The following ASH1L variants were observed in gnomAD, a reference collection of about 807,000 sequenced individuals.
ASH1L encodes the protein histone-lysine N-methyltransferase ASH1L.
In ASH1L, 23 loss-of-function variants were observed where a neutral mutation model predicts 269.0. That is an observed-to-expected ratio of 0.09 (90% CI 0.06 to 0.12). The LOEUF is 0.12. ASH1L is among the 10% of genes least tolerant of loss of function. The pLI, the probability that ASH1L is intolerant of heterozygous loss-of-function variation, is 1.00. For synonymous variants in ASH1L, 1,187 were observed against 1,253.5 expected, an observed-to-expected ratio of 0.95 and a Z score of 1.12; for missense variants, 2,912 against 3,567.8, an observed-to-expected ratio of 0.82 and a Z score of 4.68.
intron 12 of ASH1L, among the ~76,000 whole-genome samples, chr1:155,365,636 A>G (rs1422283565): frequency 6.6e-6 from 1 of 152,154 alleles, no homozygotes; most frequent in East Asian, 1.9e-4. Flanking sequence ...CAATTGGAGA[A>G]ACTGGTTATT....
intron 2 of ASH1L, among the ~76,000 whole-genome samples, chr1:155,516,056 CTTT>C (rs2148828368): frequency 6.6e-6 from 1 of 152,158 alleles, no homozygotes; most frequent in South Asian, 2.1e-4. Context: ...TTTTCCTCTT[CTTT>C]TGTCTTCCTG....
At chr1:155,533,343 G>A (rs890958245) in intron 1 of ASH1L, among the ~76,000 whole-genome samples, 6 of 151,978 alleles carry the variant, frequency 3.9e-5, no homozygotes, top group Non-Finnish European at 7.4e-5. Context: ...GACATGAAAA[G>A]ACAGGCTAAT....
At chr1:155,532,587 C>T (rs1043941784) in intron 1 of ASH1L, among the ~76,000 whole-genome samples, 5 of 151,954 alleles carry the variant, frequency 3.3e-5, no homozygotes, top group Non-Finnish European at 7.4e-5. Flanking sequence ...CTTTGGGAGG[C>T]TGAGGCGAGT....
chr1:155,511,215 G>A (rs1668140517), intron 2 of ASH1L, among the ~76,000 whole-genome samples: 1 of 152,152 alleles, frequency 6.6e-6, no homozygotes. Context: ...CACCACCACA[G>A]TTAAGAACTC....
At chr1:155,527,531 C>CT (rs35475547) in intron 1 of ASH1L, among the ~76,000 whole-genome samples, 4,690 of 110,792 alleles carry the variant, frequency 0.042, 136 homozygotes, top group Non-Finnish European at 0.052. Context: ...TACGGGATAC[C>CT]TTTTTTTTTT....
At chr1:155,486,572 T>C (rs1666342571) in intron 2 of ASH1L, among the ~76,000 whole-genome samples, 2 of 152,108 alleles carry the variant, frequency 1.3e-5, no homozygotes, top group African/African-American at 2.4e-5. Flanking sequence ...AAAGGATAAA[T>C]GCTTGAGGGG....
intron 10 of ASH1L, among the ~76,000 whole-genome samples, chr1:155,373,126 T>C (rs919474251): frequency 1.3e-5 from 2 of 151,706 alleles, no homozygotes; most frequent in African/African-American, 4.8e-5. Flanking sequence ...GACAGGAGAA[T>C]TGCTTGAACT....
At chr1:155,513,299 G>A (rs545540454) in intron 2 of ASH1L, among the ~76,000 whole-genome samples, 1 of 151,928 alleles carries the variant, frequency 6.6e-6, no homozygotes, top group Non-Finnish European at 1.5e-5. Flanking sequence ...CAGGCACAGT[G>A]GCTCACATGT....
At chr1:155,370,418 T>C in intron 12 of ASH1L, 86 bp downstream of exon 12, 6 of 1,556,132 alleles carry the variant, frequency 3.9e-6, no homozygotes, top group Non-Finnish European at 5.3e-6. Flanking sequence ...TTGTGTAAGC[T>C]GACTGACACT....
chr1:155,413,389 T>C (rs1187588545), intron 6 of ASH1L, among the ~76,000 whole-genome samples: 1 of 152,150 alleles, frequency 6.6e-6, no homozygotes, highest in Non-Finnish European at 1.5e-5. Flanking sequence ...GCGGATCACC[T>C]GAGGTCAGGA....
intron 1 of ASH1L, among the ~76,000 whole-genome samples, chr1:155,527,531 CTTTT>C (rs35475547): frequency 1.2e-4 from 13 of 110,830 alleles, no homozygotes; most frequent in Admixed American, 2.0e-4. Flanking sequence ...TACGGGATAC[CTTTT>C]TTTTTTTTTT....
intron 3 of ASH1L, among the ~76,000 whole-genome samples, chr1:155,473,327 AG>A (rs1413006954): frequency 6.6e-6 from 1 of 152,202 alleles, no homozygotes; most frequent in East Asian, 1.9e-4. Context: ...AGAAACAAAC[AG>A]GTACAATACA....
chr1:155,510,917 A>C (rs1386444866), intron 2 of ASH1L, among the ~76,000 whole-genome samples: 1 of 152,204 alleles, frequency 6.6e-6, no homozygotes, highest in Non-Finnish European at 1.5e-5. Flanking sequence ...ACTTTTATAT[A>C]GCAAAATATT....
At chr1:155,512,744 C>CA (rs956129909) in intron 2 of ASH1L, among the ~76,000 whole-genome samples, 1 of 151,660 alleles carries the variant, frequency 6.6e-6, no homozygotes, top group Non-Finnish European at 1.5e-5. Flanking sequence ...GTTTAAAAAA[C>CA]AAAAAAACAC....
At position 155,479,399 on chromosome 1, in the gene ASH1L, C is replaced by T; in HGVS notation, c.3471G>A (p.Gly1157=). Residue 1157 remains glycine (G), a synonymous_variant, in exon 3 of 28, where the codon GGG becomes GGA. Transcript: ENST00000392403. ...QTLAMKKASK[G]RRRLSPPTLL... ...AAGTAGGAGGAGATAACCGCCTCCT[C>T]CCCTTTGAGGCCTTCTTCATTGCAA... 6.2e-7 allele frequency: 1 copy of T among 1,614,100 alleles called. No individual in the cohort carries two copies. The highest frequency in any genetic ancestry group is 8.5e-7 in the Non-Finnish European group (1 of 1,180,022).
At chr1:155,418,515 G>A (rs1660397569) in intron 5 of ASH1L, among the ~76,000 whole-genome samples, 1 of 151,950 alleles carries the variant, frequency 6.6e-6, no homozygotes, top group Admixed American at 6.6e-5. Context: ...AGAATCCCGG[G>A]AAAGGAGAAA....
At chr1:155,407,560 A>G (rs1489763619) in intron 6 of ASH1L, among the ~76,000 whole-genome samples, 1 of 152,210 alleles carries the variant, frequency 6.6e-6, no homozygotes, top group African/African-American at 2.4e-5. Flanking sequence ...ACTATGAAGT[A>G]TCTATATAAT....
At chr1:155,389,776 G>C (rs1003939883) in intron 7 of ASH1L, among the ~76,000 whole-genome samples, 1 of 151,958 alleles carries the variant, frequency 6.6e-6, no homozygotes, top group Non-Finnish European at 1.5e-5. Context: ...GAGCATGACT[G>C]CCACATCAAA....
At chr1:155,483,022 A>G (rs1444017205) in intron 2 of ASH1L, among the ~76,000 whole-genome samples, 2 of 152,068 alleles carry the variant, frequency 1.3e-5, no homozygotes, top group Admixed American at 6.6e-5. Context: ...AAAAATTCAT[A>G]TTTTCATCAG....
Sources: allele counts gnomAD v4.1 joint callset (sites outside exome capture counted in the v4.1 genomes callset), GRCh38; gene constraint gnomAD v4.1.1; transcripts MANE v1.5; gene names NCBI Gene and HGNC (gene_info 2026-07-23, HGNC 2026-07-21).